Variants in BMPR2 observed in about 807,000 individuals in gnomAD.
BMPR2 encodes bone morphogenetic protein receptor type 2, also known as bone morphogenetic protein receptor type-2.
Under a neutral mutation model 100.8 loss-of-function variants are expected in BMPR2, and 29 were observed. The observed-to-expected ratio is 0.29, with a 90% CI of 0.21 to 0.39. BMPR2 has a LOEUF of 0.39. Ranked by LOEUF, BMPR2 falls within the 10% of genes least tolerant of loss-of-function variation. The probability of loss-of-function intolerance (pLI) is 1.00; values close to 1 mark genes in which losing one functional copy is unlikely to be tolerated. For missense variants in BMPR2, 1,011 were observed against 1,274.5 expected, an observed-to-expected ratio of 0.79 and a Z score of 3.15; for synonymous variants, 382 against 442.3, an observed-to-expected ratio of 0.86 and a Z score of 1.71.
At chr2:202,554,670 T>A (rs1341470314) in intron 11 of BMPR2, among the ~76,000 whole-genome samples, 1 of 152,202 alleles carries the variant, frequency 6.6e-6, no homozygotes, top group Non-Finnish European at 1.5e-5. Context: ...TTCTGCCTTA[T>A]ACCTTAGGCT....
intron 3 of BMPR2, among the ~76,000 whole-genome samples, chr2:202,494,328 C>G (rs950950496): frequency 6.6e-6 from 1 of 152,226 alleles, no homozygotes; most frequent in African/African-American, 2.4e-5. Flanking sequence ...GCTGACATAA[C>G]CACTAGTGTG....
intron 1 of BMPR2, among the ~76,000 whole-genome samples, chr2:202,455,231 A>G (rs1692069397): frequency 6.6e-6 from 1 of 152,168 alleles, no homozygotes. Flanking sequence ...CAGTCACACT[A>G]ACCGTATTTC....
rs1206085609 is a variant in BMPR2 at position 202,565,740 on chromosome 2, ATTTTTGTAGACCAC to A, written c.*5799_*5812del. On this transcript the variant is annotated 3_prime_UTR_variant, in exon 13 of 13. Transcript: ENST00000374580. ...CATTAATCAGGTATTATCTATGGAC[ATTTTTGTAGACCAC>A]TTTTGAAATACTTATTATTTTGCAA... is the stretch of plus-strand genomic sequence containing the variant. 1 of 152,354 alleles carries A rather than the reference ATTTTTGTAGACCAC, an allele frequency of 6.6e-6. No homozygotes were observed. Among genetic ancestry groups the A allele is most frequent in the Non-Finnish European group, 1.5e-5 (1 of 67,988 alleles). 9.4% of individuals were successfully genotyped at this position (152,354 alleles called of 1,614,324 possible). A position where few individuals can be genotyped will look rare whatever the true frequency, so the allele number is the denominator to read the frequency against.
rs2105711595 is a variant in BMPR2 at position 202,555,637 on chromosome 2, C to T, written c.1972C>T (p.Leu658=). ...TGGGCCAACCCCTGTCTGCTTACAG[C>T]TGACAGAAGAAGACTTGGAAACCAA... The part of the protein sequence containing the change: ...SIGPTPVCLQ[L]TEEDLETNKL... Residue 658 remains leucine, a synonymous_variant, in exon 12 of 13, where the codon CTG becomes TTG. Coordinates refer to ENST00000374580, the MANE Select transcript of BMPR2 (RefSeq NM_001204.7). 2 of 1,614,116 alleles carry T rather than the reference C, an allele frequency of 1.2e-6. No homozygotes were observed. Among genetic ancestry groups the T allele is most frequent in the Non-Finnish European group, 8.5e-7 (1 of 1,180,028 alleles).
At chr2:202,414,561 CA>C (rs765797756) in intron 1 of BMPR2, among the ~76,000 whole-genome samples, 2 of 152,088 alleles carry the variant, frequency 1.3e-5, no homozygotes, top group Admixed American at 6.6e-5. Context: ...GTTGTGAATG[CA>C]AAGGAAAAGT....
chr2:202,427,006 A>G (rs1306227261), intron 1 of BMPR2, among the ~76,000 whole-genome samples: 1 of 152,258 alleles, frequency 6.6e-6, no homozygotes, highest in Non-Finnish European at 1.5e-5. Flanking sequence ...ACTCAAGACT[A>G]GGATGGTGCA....
intron 7 of BMPR2, among the ~76,000 whole-genome samples, chr2:202,527,906 G>T (rs1253649669): frequency 3.3e-5 from 5 of 152,076 alleles, no homozygotes; most frequent in Admixed American, 3.3e-4. Context: ...TAAATTGGCT[G>T]GGCATGGTAG....
At chr2:202,448,339 C>T (rs568842532) in intron 1 of BMPR2, among the ~76,000 whole-genome samples, 11 of 149,168 alleles carry the variant, frequency 7.4e-5, no homozygotes, top group Admixed American at 4.0e-4. Context: ...CCCAGCTACT[C>T]GGGAGGCTGA....
chr2:202,421,018 G>A (rs1017653920), intron 1 of BMPR2, among the ~76,000 whole-genome samples: 12 of 151,674 alleles, frequency 7.9e-5, no homozygotes, highest in Admixed American at 1.3e-4. Flanking sequence ...GGGAGGCCGA[G>A]GCGGGTGGAT....
At chr2:202,380,234 G>A (rs1263683005) in intron 1 of BMPR2, among the ~76,000 whole-genome samples, 1 of 151,562 alleles carries the variant, frequency 6.6e-6, no homozygotes. Flanking sequence ...AGATGTGCTG[G>A]CTTGGTTTAT....
chr2:202,517,585 C>T (rs562235375), intron 5 of BMPR2, among the ~76,000 whole-genome samples: 12 of 151,960 alleles, frequency 7.9e-5, no homozygotes, highest in South Asian at 2.1e-4. Flanking sequence ...CTCCTGACCT[C>T]GTGATCCACC....
intron 10 of BMPR2, among the ~76,000 whole-genome samples, chr2:202,542,864 T>G (rs1022584067): frequency 1.3e-5 from 2 of 152,172 alleles, no homozygotes; most frequent in South Asian, 2.1e-4. Flanking sequence ...GCGCAGCCTA[T>G]GAATTCTGCT....
chr2:202,527,505 G>C (rs1170518213), intron 7 of BMPR2, among the ~76,000 whole-genome samples: 1 of 148,392 alleles, frequency 6.7e-6, no homozygotes, highest in East Asian at 2.1e-4. Flanking sequence ...AAATAAATAG[G>C]CCGGGCGCGG....
intron 3 of BMPR2, among the ~76,000 whole-genome samples, chr2:202,474,275 G>A (rs112404720): frequency 0.11 from 16,661 of 151,714 alleles, 1,061 homozygotes; most frequent in Non-Finnish European, 0.14. Context: ...CCTATATGAC[G>A]AAACCCCATC....
chr2:202,421,477 T>A (rs530043497), intron 1 of BMPR2, among the ~76,000 whole-genome samples: 469 of 126,566 alleles, frequency 3.7e-3, no homozygotes, highest in African/African-American at 7.0e-3. Flanking sequence ...TTTTTTTTTT[T>A]AAAACAAGTT....
At chr2:202,419,607 G>A (rs910139750) in intron 1 of BMPR2, among the ~76,000 whole-genome samples, 2 of 151,916 alleles carry the variant, frequency 1.3e-5, no homozygotes, top group Non-Finnish European at 2.9e-5. Flanking sequence ...CACCCGTCTC[G>A]GCCTCACAAA....
chr2:202,456,063 CAAAAAAAAAAAAAAAAAAAAAAAAAAAA>C (rs750470872), intron 1 of BMPR2, among the ~76,000 whole-genome samples: 3 of 36,754 alleles, frequency 8.2e-5, no homozygotes, highest in Non-Finnish European at 1.4e-4. Flanking sequence ...AGACCCGTCT[CAAAAAAAAAAAAAAAAAAAAAAAAAAAA>C]AAAAAAAAAA....
intron 9 of BMPR2, among the ~76,000 whole-genome samples, chr2:202,534,828 A>G (rs1237119430): frequency 6.6e-6 from 1 of 151,204 alleles, no homozygotes; most frequent in Non-Finnish European, 1.5e-5. Flanking sequence ...CACCTCCCGG[A>G]CGGGGCGGCT....
chr2:202,532,526 G>A lies in BMPR2; in HGVS notation c.1129-59G>A. On this transcript the variant is annotated intron_variant, in intron 8 of 12. Transcript: ENST00000374580. The surrounding 1 kb of genome is among the most constrained non-coding windows in gnomAD (Gnocchi z 4.1). The stretch of plus-strand genomic sequence containing the variant: ...ATTTATATATAACTTCTGGTCTAAT[G>A]TCTGTTCTTCAGAATATGCTACGTT... 5 of 1,575,854 alleles carry A rather than the reference G, an allele frequency of 3.2e-6. No individual in the cohort carries two copies. Among genetic ancestry groups the A allele is most frequent in the East Asian group, 2.2e-5 (1 of 44,622 alleles).
Sources: allele counts gnomAD v4.1 joint callset (sites outside exome capture counted in the v4.1 genomes callset), GRCh38; gene constraint gnomAD v4.1.1; non-coding constraint Gnocchi (gnomAD v3.1); transcripts MANE v1.5; gene names NCBI Gene and HGNC (gene_info 2026-07-23, HGNC 2026-07-21).